SLC27A2: variants seen among roughly 807,000 people sequenced by gnomAD.
The protein encoded by SLC27A2 is long-chain fatty acid transport protein 2.
Under a neutral mutation model 60.0 loss-of-function variants are expected in SLC27A2, and 54 were observed. The ratio of observed to expected loss-of-function variants is 0.90; its 90% CI spans 0.72 to 1.13. The LOEUF is 1.13. Ranked by LOEUF, SLC27A2 falls within the 50% of genes most tolerant of loss-of-function variation. SLC27A2 has a pLI of 0.00. For synonymous variants in SLC27A2, 297 were observed against 297.6 expected (o/e 1.00, Z 0.02); for missense variants, 739 against 777.6 (o/e 0.95, Z 0.59).
intron 8 of SLC27A2, among the ~76,000 whole-genome samples, chr15:50,233,624 T>C (rs2045330060): frequency 6.6e-6 from 1 of 152,194 alleles, no homozygotes; most frequent in African/African-American, 2.4e-5. Context: ...GAGGATTAAG[T>C]GAGATCATCA....
At chr15:50,232,862 A>G (rs2045325038) in intron 8 of SLC27A2, among the ~76,000 whole-genome samples, 1 of 152,186 alleles carries the variant, frequency 6.6e-6, no homozygotes, top group Admixed American at 6.5e-5. Flanking sequence ...CTTTAGAGCT[A>G]TAGGTAAACA....
chr15:50,236,302 G>C lies in SLC27A2; in HGVS notation c.*206G>C. On this transcript the variant is annotated 3_prime_UTR_variant, in exon 10 of 10. Transcript: ENST00000267842. ...TATTATTTTTCAGTGTGCACCTACT[G>C]TTTGTATTTGCAAACTGAGCTTGTT... 2.4e-6 allele frequency: 1 copy of C among 417,230 alleles called. No individual in the cohort carries two copies. Among genetic ancestry groups the C allele is most frequent in the Non-Finnish European group, 4.2e-6 (1 of 238,776 alleles). 25.8% of individuals were successfully genotyped at this position (417,230 alleles called of 1,614,324 possible).
chr15:50,185,186 A>C (rs2044910845), intron 1 of SLC27A2, among the ~76,000 whole-genome samples: 1 of 152,212 alleles, frequency 6.6e-6, no homozygotes, highest in Non-Finnish European at 1.5e-5. Flanking sequence ...TCAGAATTAC[A>C]ACCAGATACC....
Position 50,230,358 on chromosome 15 carries a change from C to T in SLC27A2, c.1555+1316C>T, listed in dbSNP as rs183773535. On this transcript the variant is annotated intron_variant, in intron 8 of 9. Coordinates refer to ENST00000267842, the MANE Select transcript of SLC27A2 (RefSeq NM_003645.4). ...AGGAGCTTGAGACCAGCCTGGCCAA[C>T]ATGGCAAAACTTAGTCTCTACTAAA... Among the ~76,000 whole-genome samples the T allele has an allele frequency of 2.4e-3, 367 of 151,974 alleles. 2 individuals carry two copies. The highest frequency in any genetic ancestry group is 5.4e-3 in the South Asian group (26 of 4,804).
chr15:50,183,994 C>CTT (rs577766814), intron 1 of SLC27A2, among the ~76,000 whole-genome samples: 4,524 of 91,004 alleles, frequency 0.05, 359 homozygotes, highest in Admixed American at 0.062. Context: ...TTTCCTACAT[C>CTT]TTTTTTTTTT....
chr15:50,228,393 A>AC (rs1031908691), intron 7 of SLC27A2, among the ~76,000 whole-genome samples: 1 of 150,924 alleles, frequency 6.6e-6, no homozygotes, highest in African/African-American at 2.4e-5. Flanking sequence ...AAAAAAAAAA[A>AC]AAAAAAGAAT....
intron 3 of SLC27A2, among the ~76,000 whole-genome samples, chr15:50,204,520 T>G (rs2140903234): frequency 6.6e-6 from 1 of 151,422 alleles, no homozygotes; most frequent in Non-Finnish European, 1.5e-5. Flanking sequence ...GATCACGAGG[T>G]CAGGAGATTG....
chr15:50,186,066 C>T (rs1236520905), intron 1 of SLC27A2, among the ~76,000 whole-genome samples: 1 of 149,626 alleles, frequency 6.7e-6, no homozygotes, highest in Non-Finnish European at 1.5e-5. Context: ...GATGAAACCC[C>T]ATCTCTACAA....
At chr15:50,209,994 A>T (rs1477855671) in intron 4 of SLC27A2, among the ~76,000 whole-genome samples, 1 of 152,208 alleles carries the variant, frequency 6.6e-6, no homozygotes, top group African/African-American at 2.4e-5. Flanking sequence ...GCAAGTCCCA[A>T]CAGGAAGGAA....
chr15:50,186,741 C>T (rs1262586544), intron 1 of SLC27A2, among the ~76,000 whole-genome samples: 1 of 152,186 alleles, frequency 6.6e-6, no homozygotes, highest in African/African-American at 2.4e-5. Flanking sequence ...CTGGCCTTCT[C>T]ATTGTCTTAT....
At chr15:50,218,181 GA>G (rs966159763) in intron 4 of SLC27A2, among the ~76,000 whole-genome samples, 1 of 147,872 alleles carries the variant, frequency 6.8e-6, no homozygotes, top group Non-Finnish European at 1.5e-5. Flanking sequence ...TGTTTTAAAA[GA>G]AAAAAAGAAT....
intron 2 of SLC27A2, among the ~76,000 whole-genome samples, chr15:50,200,237 G>A (rs1461288435): frequency 4.6e-5 from 7 of 151,980 alleles, no homozygotes; most frequent in Non-Finnish European, 8.8e-5. Context: ...CATCAGTCTG[G>A]GCAATAAAGC....
chr15:50,212,772 A>G (rs933780086), intron 4 of SLC27A2, among the ~76,000 whole-genome samples: 3 of 152,210 alleles, frequency 2.0e-5, no homozygotes, highest in African/African-American at 7.2e-5. Flanking sequence ...TTACCACTAC[A>G]AGACCTGCTA....
chr15:50,233,786 T>C (rs916177580), intron 8 of SLC27A2, 82 bp from the exon 9 acceptor site: 21 of 1,272,018 alleles, frequency 1.7e-5, no homozygotes, highest in Non-Finnish European at 1.8e-5. Context: ...CTATAAATGT[T>C]GTCTGAGCCC....
At chr15:50,233,261 A>G (rs1279694041) in intron 8 of SLC27A2, among the ~76,000 whole-genome samples, 1 of 152,234 alleles carries the variant, frequency 6.6e-6, no homozygotes, top group Non-Finnish European at 1.5e-5. Flanking sequence ...GTAGGTCTCC[A>G]AGGTGGTATT....
At chr15:50,208,739 G>T (rs1338276387) in intron 4 of SLC27A2, among the ~76,000 whole-genome samples, 4 of 152,318 alleles carry the variant, frequency 2.6e-5, no homozygotes, top group African/African-American at 9.6e-5. Context: ...CAAAGCTACT[G>T]ACTTAAGTGA....
intron 7 of SLC27A2, 138 bp from the exon 8 acceptor site, chr15:50,228,807 T>G: frequency 1.5e-6 from 1 of 647,932 alleles, no homozygotes; most frequent in South Asian, 1.9e-5. Flanking sequence ...CAGGACTAAG[T>G]TGGGGAGTTT....
At chr15:50,204,882 TCTCA>T (rs1036139527) in intron 3 of SLC27A2, among the ~76,000 whole-genome samples, 5 of 147,830 alleles carry the variant, frequency 3.4e-5, no homozygotes, top group Admixed American at 6.8e-5. Flanking sequence ...TGAGACAGAG[TCTCA>T]CTCTATTTAT....
intron 3 of SLC27A2, among the ~76,000 whole-genome samples, chr15:50,202,948 G>A (rs1449814505): frequency 2.0e-5 from 3 of 151,744 alleles, no homozygotes; most frequent in African/African-American, 7.3e-5. Context: ...GGGAGGCCAA[G>A]GCAGGAGGAT....
Sources: gnomAD v4.1 joint callset for allele counts (sites outside exome capture counted in the v4.1 genomes callset) on GRCh38, gnomAD v4.1.1 for gene constraint, MANE v1.5 for transcripts, NCBI Gene and HGNC (gene_info 2026-07-23, HGNC 2026-07-21) for gene names.